The following AGBL1 variants were observed in gnomAD, a reference collection of about 807,000 sequenced individuals.
AGBL1 encodes the protein AGBL carboxypeptidase 1.
Under a neutral mutation model 118.9 loss-of-function variants are expected in AGBL1, and 130 were observed. That is an observed-to-expected ratio of 1.09 (90% confidence interval 0.95 to 1.26). The LOEUF (loss-of-function observed/expected upper bound fraction) is 1.26. AGBL1 is among the 50% of genes most tolerant of loss of function. The pLI is 0.00. For missense variants in AGBL1, 1,584 were observed against 1,298.1 expected (o/e 1.22, Z -3.38); for synonymous variants, 555 against 478.9 (o/e 1.16, Z -2.08).
At chr15:86,263,329 G>T (rs1212092134) in intron 10 of AGBL1, among the ~76,000 whole-genome samples, 1 of 152,168 alleles carries the variant, frequency 6.6e-6, no homozygotes, top group Non-Finnish European at 1.5e-5. Context: ...GGAGCAACAG[G>T]CCACACCATA....
chr15:86,479,544 C>A (rs1596168641), intron 18 of AGBL1, among the ~76,000 whole-genome samples: 2 of 152,314 alleles, frequency 1.3e-5, no homozygotes, highest in African/African-American at 4.8e-5. Flanking sequence ...CATCTCCCAC[C>A]AGTTAGAATG....
chr15:86,394,587 G>A (rs1248540895), intron 17 of AGBL1, among the ~76,000 whole-genome samples: 1 of 152,086 alleles, frequency 6.6e-6, no homozygotes, highest in Non-Finnish European at 1.5e-5. Flanking sequence ...ACATCCAGAA[G>A]TAACGAAGAA....
intron 22 of AGBL1, among the ~76,000 whole-genome samples, chr15:86,817,575 G>GACACACACACAC (rs61414348): frequency 7.6e-5 from 10 of 130,772 alleles, no homozygotes; most frequent in African/African-American, 3.0e-4. Flanking sequence ...GAAAGAGACA[G>GACACACACACAC]ACACACACAC....
chr15:86,569,301 C>A (rs139102245), intron 21 of AGBL1, among the ~76,000 whole-genome samples: 35 of 151,718 alleles, frequency 2.3e-4, no homozygotes, highest in African/African-American at 8.0e-4. Flanking sequence ...CATGGTGGCA[C>A]GTGCTTGTGG....
chr15:86,600,888 G>A lies in AGBL1; in HGVS notation c.2994+46351G>A, dbSNP rs566900417. ...TTCTAAACACTACTGCAGTATACCT[G>A]GGAGAGCTGATACTAATTTAATCAA... On this transcript the variant is annotated intron_variant, in intron 21 of 22. Coordinates refer to ENST00000614907, the MANE Select transcript of AGBL1 (RefSeq NM_001386094.1). 2.6e-5 allele frequency among the ~76,000 whole-genome samples: 4 copies of A among 152,234 alleles called. No homozygotes were observed. The South Asian group carries it at 8.3e-4, about 32-fold the overall frequency.
At chr15:86,817,986 A>T (rs1465076594) in intron 22 of AGBL1, among the ~76,000 whole-genome samples, 2 of 152,174 alleles carry the variant, frequency 1.3e-5, no homozygotes, top group African/African-American at 4.8e-5. Flanking sequence ...AATGCTAAGG[A>T]TTGCCAGTAA....
chr15:86,762,713 A>G (rs897227157), intron 22 of AGBL1, among the ~76,000 whole-genome samples: 10 of 151,954 alleles, frequency 6.6e-5, no homozygotes, highest in Non-Finnish European at 1.2e-4. Flanking sequence ...ACTTTAGAGA[A>G]GTTACATTTG....
At chr15:86,134,562 T>A (rs575025279) in intron 1 of AGBL1, among the ~76,000 whole-genome samples, 1 of 151,162 alleles carries the variant, frequency 6.6e-6, no homozygotes. Context: ...TACAGGATCC[T>A]TTTTTCCCCT....
chr15:86,852,943 G>T (rs543354888), intron 22 of AGBL1, among the ~76,000 whole-genome samples: 3 of 152,172 alleles, frequency 2.0e-5, no homozygotes, highest in African/African-American at 4.8e-5. Flanking sequence ...CTCAGGCTTC[G>T]TTGTTTTTAA....
intron 1 of AGBL1, among the ~76,000 whole-genome samples, chr15:86,103,047 G>A (rs947489349): frequency 1.3e-5 from 2 of 151,940 alleles, no homozygotes; most frequent in East Asian, 3.9e-4. Context: ...CCAAAGACCT[G>A]TTTTCAAGCA....
chr15:86,855,373 A>G (rs2079463254), intron 22 of AGBL1, among the ~76,000 whole-genome samples: 1 of 152,184 alleles, frequency 6.6e-6, no homozygotes, highest in Non-Finnish European at 1.5e-5. Flanking sequence ...ATATAATGGC[A>G]TTTCTAAGAG....
intron 24 of AGBL1, among the ~76,000 whole-genome samples, chr15:87,008,706 A>G (rs1328472066): frequency 6.6e-6 from 1 of 152,132 alleles, no homozygotes; most frequent in Non-Finnish European, 1.5e-5. Flanking sequence ...GACCAAAATG[A>G]TATGGACAAT....
intron 17 of AGBL1, among the ~76,000 whole-genome samples, chr15:86,349,000 A>C (rs1252898475): frequency 1.3e-5 from 2 of 152,194 alleles, no homozygotes; most frequent in Non-Finnish European, 2.9e-5. Flanking sequence ...CTTTTAAGAC[A>C]AGGAAACTTT....
intron 17 of AGBL1, among the ~76,000 whole-genome samples, chr15:86,306,017 T>A (rs1051327800): frequency 1.2e-4 from 18 of 152,212 alleles, no homozygotes; most frequent in African/African-American, 4.1e-4. Context: ...TAATTTTTTT[T>A]ATTTTTAATT....
intron 5 of AGBL1, among the ~76,000 whole-genome samples, chr15:86,193,995 A>G (rs1399379807): frequency 6.6e-6 from 1 of 152,218 alleles, no homozygotes; most frequent in Admixed American, 6.5e-5. Flanking sequence ...GGCATGAGGC[A>G]GAATCTTTGT....
chr15:86,312,472 A>G (rs895320703), intron 17 of AGBL1: 4 of 152,258 alleles, frequency 2.6e-5, no homozygotes, highest in East Asian at 1.9e-4. Flanking sequence ...ATGTATGTCC[A>G]TGAGCCACCT....
At chr15:86,830,145 C>T (rs186333617) in intron 22 of AGBL1, among the ~76,000 whole-genome samples, 82 of 151,886 alleles carry the variant, frequency 5.4e-4, no homozygotes, top group African/African-American at 1.4e-3. Flanking sequence ...TGAGGTATAA[C>T]GCATATACTC....
At chr15:86,762,016 C>T (rs1239507547) in intron 22 of AGBL1, among the ~76,000 whole-genome samples, 2 of 151,934 alleles carry the variant, frequency 1.3e-5, no homozygotes, top group Non-Finnish European at 2.9e-5. Flanking sequence ...GGCACATATA[C>T]ACCATGGAAT....
At chr15:86,324,795 C>G (rs901398369) in intron 17 of AGBL1, among the ~76,000 whole-genome samples, 4 of 152,120 alleles carry the variant, frequency 2.6e-5, no homozygotes, top group Non-Finnish European at 4.4e-5. Flanking sequence ...AGCCAATACC[C>G]CAACCACAAG....
Sources: allele counts gnomAD v4.1 joint callset (sites outside exome capture counted in the v4.1 genomes callset), GRCh38; gene constraint gnomAD v4.1.1; transcripts MANE v1.5; gene names NCBI Gene and HGNC (gene_info 2026-07-23, HGNC 2026-07-21).